The following EHMT1 variants were observed in gnomAD, a reference collection of about 807,000 sequenced individuals.
EHMT1 encodes the protein euchromatic histone lysine methyltransferase 1.
EHMT1 carries 15 observed loss-of-function variants against 147.2 expected under a neutral mutation model. That is an observed-to-expected ratio of 0.10 (90% CI 0.07 to 0.16). The LOEUF (loss-of-function observed/expected upper bound fraction) is 0.16, where lower values mean the gene tolerates loss of function less well. EHMT1 is among the 10% of genes least tolerant of loss of function. EHMT1 has a pLI of 1.00. For synonymous variants in EHMT1, 795 were observed against 709.6 expected (o/e 1.12, Z -1.91); for missense variants, 1,587 against 1,772.4 (o/e 0.90, Z 1.88).
chr9:137,712,195 G>A (rs547266398), intron 2 of EHMT1, among the ~76,000 whole-genome samples: 8 of 152,238 alleles, frequency 5.3e-5, no homozygotes, highest in South Asian at 2.1e-4. Context: ...AGTGCCCTCC[G>A]GCTCTTCCCC....
At chr9:137,683,254 A>G (rs565519153) in intron 1 of EHMT1, among the ~76,000 whole-genome samples, 3 of 152,296 alleles carry the variant, frequency 2.0e-5, no homozygotes, top group South Asian at 4.1e-4. Context: ...ATTTGTAGAC[A>G]AGAGATCAGA....
chr9:137,834,280 C>T, intron 25 of EHMT1, 69 bp from the exon 26 acceptor site: 1 of 1,592,394 alleles, frequency 6.3e-7, no homozygotes, highest in Admixed American at 1.7e-5. Context: ...CCATGCATGG[C>T]CGTACCCGGC....
rs1198623012 is a variant in EHMT1 at position 137,813,990 on chromosome 9, G to A, written c.3181-441G>A. The stretch of plus-strand genomic sequence containing the variant: ...GTGCCCTCACTGCTTGCGCCTTCTC[G>A]AGCACTTTCCTTGTGGCTCTGCTTG... On this transcript the variant is annotated intron_variant, in intron 21 of 26. Transcript: ENST00000460843. This position sits in a 1 kb window ranked among gnomAD's most constrained non-coding sequence, Gnocchi z 4.9. Among the ~76,000 whole-genome samples the A allele has an allele frequency of 2.0e-5, 3 of 148,690 alleles. No homozygotes were observed. Among genetic ancestry groups the A allele is most frequent in the Non-Finnish European group, 3.0e-5 (2 of 67,708 alleles).
intron 24 of EHMT1, chr9:137,817,800 C>T (rs1955042599): frequency 4.8e-6 from 3 of 621,818 alleles, no homozygotes; most frequent in Non-Finnish European, 5.7e-6. Context: ...CCAGCATGGG[C>T]AGTCATCTCT....
intron 1 of EHMT1, chr9:137,676,003 C>T (rs1321189385): frequency 6.6e-6 from 1 of 151,016 alleles, no homozygotes; most frequent in Non-Finnish European, 1.5e-5. Context: ...CCGGGATGGT[C>T]TCGATCTCCT....
chr9:137,833,663 A>G (rs538722392), intron 25 of EHMT1, among the ~76,000 whole-genome samples: 1 of 152,346 alleles, frequency 6.6e-6, no homozygotes, highest in South Asian at 2.1e-4. Context: ...GGCCAGTGCC[A>G]GGGGCCAGGG....
At chr9:137,761,627 A>AT (rs112611649) in intron 9 of EHMT1, among the ~76,000 whole-genome samples, 348 of 145,650 alleles carry the variant, frequency 2.4e-3, no homozygotes, top group Middle Eastern at 0.01. Context: ...TAATTTTTGT[A>AT]TTTTTTTTTT....
chr9:137,738,565 C>G (rs1389229110), intron 4 of EHMT1: 1 of 152,134 alleles, frequency 6.6e-6, no homozygotes, highest in Non-Finnish European at 1.5e-5. Context: ...GCACTGAAAG[C>G]AGGGTCTTGA....
intron 1 of EHMT1, among the ~76,000 whole-genome samples, chr9:137,651,749 T>A (rs1937844163): frequency 6.6e-6 from 1 of 152,052 alleles, no homozygotes; most frequent in African/African-American, 2.4e-5. Flanking sequence ...GAGCCGAGAT[T>A]GTGTCACTGC....
At position 137,798,836 on chromosome 9, in the gene EHMT1, G is replaced by A; in HGVS notation, c.2529G>A (p.Leu843=). 2 of 1,614,172 alleles carry A rather than the reference G, an allele frequency of 1.2e-6. No individual in the cohort carries two copies. Among genetic ancestry groups the A allele is most frequent in the South Asian group, 1.1e-5 (1 of 91,086 alleles). ...AGGACGCAGAGGGCTCTACGTGTTT[G>A]CACCTGGCTGCCAAGAAAGGCCACT... ...DPKDAEGSTC[L]HLAAKKGHYE... Residue 843 remains leucine, a synonymous_variant, in exon 17 of 27, where the codon TTG becomes TTA. Transcript: ENST00000460843.
At chr9:137,750,563 T>C (rs1465928183) in intron 6 of EHMT1, among the ~76,000 whole-genome samples, 1 of 152,220 alleles carries the variant, frequency 6.6e-6, no homozygotes, top group Non-Finnish European at 1.5e-5. Context: ...GAGAGAGTTA[T>C]TATTTGCCTG....
chr9:137,730,000 C>A (rs986240664), intron 4 of EHMT1, among the ~76,000 whole-genome samples: 1 of 152,194 alleles, frequency 6.6e-6, no homozygotes, highest in African/African-American at 2.4e-5. Flanking sequence ...TTGCTAGTTT[C>A]CTTTAATCTG....
At chr9:137,816,786 G>C (rs1368045119) in intron 23 of EHMT1, 1 of 167,622 alleles carries the variant, frequency 6.0e-6, no homozygotes, top group Non-Finnish European at 1.3e-5. Flanking sequence ...CTCTGTCCTT[G>C]GTATGGTAGA....
intron 4 of EHMT1, among the ~76,000 whole-genome samples, chr9:137,736,593 A>T (rs1429729682): frequency 6.6e-6 from 1 of 152,268 alleles, no homozygotes; most frequent in East Asian, 1.9e-4. Context: ...TGTTGATTTT[A>T]AAATACAGAG....
Position 137,782,619 on chromosome 9 carries a change from A to AT in EHMT1, c.2382+225dup, listed in dbSNP as rs1951649302. On this transcript the variant is annotated intron_variant, in intron 15 of 26. Transcript: ENST00000460843. This position sits in a 1 kb window ranked among gnomAD's most constrained non-coding sequence, Gnocchi z 5.7. ...CGGCCTTTGAGAAGAGCATGCCGCC[A>AT]TTTGGCTGTTTCTTGATTTGCTTTC... Among the ~76,000 whole-genome samples the AT allele has an allele frequency of 6.6e-6, 1 of 152,020 alleles. No homozygotes were observed. The highest frequency in any genetic ancestry group is 2.1e-4 in the South Asian group (1 of 4,818).
chr9:137,742,971 C>T (rs1004948222), intron 4 of EHMT1: 9 of 304,246 alleles, frequency 3.0e-5, no homozygotes, highest in East Asian at 9.0e-5. Context: ...ATGCTGTTCA[C>T]GTTGGTCTGT....
intron 9 of EHMT1, among the ~76,000 whole-genome samples, chr9:137,761,959 A>G (rs762417816): frequency 8.5e-5 from 13 of 152,148 alleles, no homozygotes; most frequent in Non-Finnish European, 1.6e-4. Context: ...CTGCTGCTCA[A>G]CAGCCTTGGC....
At chr9:137,811,680 C>CT (rs1954497179) in intron 19 of EHMT1, 65 bp downstream of exon 19, 1 of 1,591,736 alleles carries the variant, frequency 6.3e-7, no homozygotes. Context: ...AGAGAGACCG[C>CT]TTGACAGTCT....
Position 137,711,008 on chromosome 9 carries a change from G to A in EHMT1, c.63G>A (p.Val21=). Residue 21 remains valine (V), a synonymous_variant, in exon 2 of 27, where the codon GTG becomes GTA. Transcript: ENST00000460843. ...GGGAGCCTCAGCAGGATTGCTGTGT[G>A]AAAACCGAGCTGCTGGGAGAAGGTG... The part of the protein sequence containing the change: ...ARGEPQQDCC[V]KTELLGEETP... 1.3e-6 allele frequency: 2 copies of A among 1,597,718 alleles called. No individual in the cohort carries two copies. Among genetic ancestry groups the A allele is most frequent in the Non-Finnish European group, 1.7e-6 (2 of 1,172,790 alleles).
Sources: gnomAD v4.1 joint callset for allele counts (sites outside exome capture counted in the v4.1 genomes callset) on GRCh38, gnomAD v4.1.1 for gene constraint, Gnocchi (gnomAD v3.1) non-coding constraint, MANE v1.5 for transcripts, NCBI Gene and HGNC (gene_info 2026-07-23, HGNC 2026-07-21) for gene names.